Variants in NAA11 observed in about 807,000 individuals in gnomAD.
The protein encoded by NAA11 is N-alpha-acetyltransferase 11.
NAA11 carries 15 observed loss-of-function variants against 16.1 expected under a neutral mutation model. The ratio of observed to expected loss-of-function variants is 0.93; its 90% confidence interval spans 0.62 to 1.44. NAA11 has a LOEUF of 1.44. Among genes scored for constraint, NAA11 ranks in the 40% most tolerant of loss-of-function variants. The pLI is 0.00. For synonymous variants in NAA11, 122 were observed against 112.4 expected (o/e 1.09, Z -0.54); for missense variants, 298 against 291.3 (o/e 1.02, Z -0.17).
chr4:79,224,301 C>T (rs1721263630), downstream of NAA11, among the ~76,000 whole-genome samples: 1 of 152,120 alleles, frequency 6.6e-6, no homozygotes. Flanking sequence ...AAATTCAATC[C>T]ACTACCAATC....
At chr4:79,217,009 CAG>C in the NAA11 span, among the ~76,000 whole-genome samples, 1 of 152,206 alleles carries the variant, frequency 6.6e-6, no homozygotes. Context: ...ACATTAATGA[CAG>C]AAAGTTATTT....
chr4:79,233,405 T>C (rs1212853642), intron 2 of NAA11, among the ~76,000 whole-genome samples: 3 of 152,066 alleles, frequency 2.0e-5, no homozygotes, highest in Non-Finnish European at 4.4e-5. Flanking sequence ...GTATAGCATT[T>C]ATTTTACTCA....
rs1158886999 is a variant in NAA11 at position 79,270,557 on chromosome 4, C to T, written c.*122+23448G>A. Among the ~76,000 whole-genome samples the T allele has an allele frequency of 5.0e-5, 7 of 140,280 alleles. No individual in the cohort carries two copies. The South Asian group carries it at 7.4e-4, about 15-fold the overall frequency. 92.0% of individuals were successfully genotyped at this position (140,280 alleles called of 152,430 possible). A position where few individuals can be genotyped will look rare whatever the true frequency, so the allele number is the denominator to read the frequency against. The stretch of plus-strand genomic sequence containing the variant: ...GCCAGCATCATTCTGATACCAAAGC[C>T]GGGCAGAGACACAACAAAAAAAGAG... On this transcript the variant is annotated intron_variant and NMD_transcript_variant, in intron 2 of 2. Transcript: ENST00000511542.
intron 2 of NAA11, among the ~76,000 whole-genome samples, chr4:79,286,874 C>A (rs2109989798): frequency 6.6e-6 from 1 of 152,072 alleles, no homozygotes; most frequent in Non-Finnish European, 1.5e-5. Context: ...TAACATTTTG[C>A]CCATGAGTTC....
At chr4:79,276,550 C>A (rs940050025) in intron 2 of NAA11, among the ~76,000 whole-genome samples, 12 of 152,148 alleles carry the variant, frequency 7.9e-5, no homozygotes, top group African/African-American at 2.9e-4. Context: ...TGAAGACATG[C>A]AGTTAGCTTA....
chr4:79,222,489 C>T (rs1578148207), downstream of NAA11, among the ~76,000 whole-genome samples: 1 of 147,974 alleles, frequency 6.8e-6, no homozygotes, highest in African/African-American at 2.5e-5. Flanking sequence ...ATACAAAAAT[C>T]AATTCAAGAT....
intron 2 of NAA11, among the ~76,000 whole-genome samples, chr4:79,285,090 T>C (rs929496235): frequency 3.9e-5 from 6 of 152,090 alleles, no homozygotes; most frequent in Non-Finnish European, 8.8e-5. Context: ...ATGGTGGTCT[T>C]AAGTTGCAAG....
chr4:79,211,139 A>G, the NAA11 span, among the ~76,000 whole-genome samples: 319 of 152,298 alleles, frequency 2.1e-3, 1 homozygote, highest in Non-Finnish European at 3.9e-3. Flanking sequence ...TGAGTCCAGA[A>G]CCAGCTTAAG....
chr4:79,220,732 T>C (rs1721170575), downstream of NAA11, among the ~76,000 whole-genome samples: 2 of 152,184 alleles, frequency 1.3e-5, no homozygotes, highest in South Asian at 4.1e-4. Context: ...CACTGATCAA[T>C]ATCTCTGTTT....
the NAA11 span, among the ~76,000 whole-genome samples, chr4:79,204,339 T>C: frequency 1.3e-5 from 2 of 151,882 alleles, no homozygotes; most frequent in Admixed American, 6.6e-5. Context: ...TTATAGATAA[T>C]ATTTCTTGTC....
At chr4:79,229,634 T>C (rs778396774) in intron 2 of NAA11, among the ~76,000 whole-genome samples, 8 of 151,998 alleles carry the variant, frequency 5.3e-5, no homozygotes, top group Non-Finnish European at 1.2e-4. Flanking sequence ...CATTGGTCTG[T>C]ATTTAATAAT....
the NAA11 span, among the ~76,000 whole-genome samples, chr4:79,190,818 C>T: frequency 1.3e-5 from 2 of 152,034 alleles, no homozygotes; most frequent in African/African-American, 4.8e-5. Flanking sequence ...CCTCTCCCTC[C>T]TCCCACCCTC....
chr4:79,273,543 G>A (rs2109982390), intron 2 of NAA11, among the ~76,000 whole-genome samples: 1 of 152,048 alleles, frequency 6.6e-6, no homozygotes, highest in South Asian at 2.1e-4. Flanking sequence ...TCGGCAAGGA[G>A]GTACCACTGG....
intron 2 of NAA11, among the ~76,000 whole-genome samples, chr4:79,278,513 C>T (rs1016716633): frequency 5.3e-5 from 8 of 152,046 alleles, no homozygotes; most frequent in African/African-American, 1.7e-4. Context: ...ATGACAATGA[C>T]TTGTTCATAT....
chr4:79,323,413 G>A (rs1250498126), intron 1 of NAA11, among the ~76,000 whole-genome samples: 2 of 152,082 alleles, frequency 1.3e-5, no homozygotes, highest in Admixed American at 1.3e-4. Context: ...AGAGCTGGGC[G>A]CGGTGGCTCA....
intron 1 of NAA11, among the ~76,000 whole-genome samples, chr4:79,298,007 C>G (rs1290330123): frequency 1.3e-5 from 2 of 152,208 alleles, no homozygotes; most frequent in African/African-American, 2.4e-5. Context: ...AAGCCCAGGG[C>G]TCAGCCAGAG....
At chr4:79,161,630 T>C in the NAA11 span, among the ~76,000 whole-genome samples, 1 of 152,106 alleles carries the variant, frequency 6.6e-6, no homozygotes, top group African/African-American at 2.4e-5. Context: ...ATCTTAGCAA[T>C]ATTGAGTCTC....
chr4:79,200,266 A>G, the NAA11 span, among the ~76,000 whole-genome samples: 1 of 151,634 alleles, frequency 6.6e-6, no homozygotes, highest in Non-Finnish European at 1.5e-5. Context: ...TACCTAAAAA[A>G]CTCAGAAGAA....
At position 79,252,213 on chromosome 4, in the gene NAA11, T is replaced by A. The variant is rs368613428; in HGVS notation, c.*123-25943A>T. ...CGGGATGGGGAGGGGGAATGAGTGA[T>A]GAAAAATTACCTACTGGGTACGATG... On this transcript the variant is annotated intron_variant and NMD_transcript_variant, in intron 2 of 2. Coordinates refer to the NAA11 transcript ENST00000511542. Among the ~76,000 whole-genome samples the A allele has an allele frequency of 3.3e-5, 5 of 152,274 alleles. No individual in the cohort carries two copies. In the East Asian group the frequency reaches 9.6e-4, roughly 29 times the overall value.
Sources: gnomAD v4.1 joint callset for allele counts (sites outside exome capture counted in the v4.1 genomes callset) on GRCh38, gnomAD v4.1.1 for gene constraint, MANE v1.5 for transcripts, NCBI Gene and HGNC (gene_info 2026-07-23, HGNC 2026-07-21) for gene names.